The following CSMD3 variants were observed in gnomAD, a reference collection of about 807,000 sequenced individuals.
The protein encoded by CSMD3 is CUB and sushi domain-containing protein 3.
CSMD3 carries 177 observed loss-of-function variants against 435.2 expected under a neutral mutation model. That is an observed-to-expected ratio of 0.41 (90% CI 0.36 to 0.46). CSMD3 has a LOEUF of 0.46. Ranked by LOEUF, CSMD3 falls within the 20% of genes least tolerant of loss-of-function variation. CSMD3 has a pLI of 0.34. For synonymous variants in CSMD3, 1,656 were observed against 1,520.5 expected, an observed-to-expected ratio of 1.09 and a Z score of -2.07; for missense variants, 4,265 against 4,504.6, an observed-to-expected ratio of 0.95 and a Z score of 1.52.
chr8:112,990,204 C>T (rs1293116714), intron 6 of CSMD3, among the ~76,000 whole-genome samples: 1 of 151,920 alleles, frequency 6.6e-6, no homozygotes, highest in African/African-American at 2.4e-5. Context: ...GGAAGTATGT[C>T]TGGCTACCAG....
intron 27 of CSMD3, among the ~76,000 whole-genome samples, chr8:112,521,245 T>C (rs1824250050): frequency 6.6e-6 from 1 of 152,018 alleles, no homozygotes; most frequent in South Asian, 2.1e-4. Context: ...ATAGAAAATC[T>C]ATTAAATATA....
intron 1 of CSMD3, chr8:113,377,083 C>G: frequency 7.7e-7 from 1 of 1,298,822 alleles, no homozygotes; most frequent in South Asian, 1.4e-5. Context: ...TTTTCGCCAG[C>G]TGGCGCTGGA....
intron 36 of CSMD3, 125 bp downstream of exon 36, chr8:112,390,539 A>C (rs1193970516): frequency 1.3e-6 from 1 of 785,520 alleles, no homozygotes; most frequent in Non-Finnish European, 2.1e-6. Context: ...ATATCTTTCT[A>C]TTCATTTCAA....
chr8:112,967,515 C>G (rs1172336680), intron 7 of CSMD3, among the ~76,000 whole-genome samples: 1 of 151,574 alleles, frequency 6.6e-6, no homozygotes, highest in African/African-American at 2.4e-5. Flanking sequence ...GGTGTGCTTT[C>G]TCCTCTGAGA....
intron 22 of CSMD3, among the ~76,000 whole-genome samples, chr8:112,590,424 T>C (rs1831085105): frequency 1.3e-5 from 2 of 151,770 alleles, no homozygotes; most frequent in Admixed American, 1.3e-4. Context: ...AGGAACATTA[T>C]ATCTAAAAAC....
chr8:112,516,298 G>A (rs1026411178), intron 28 of CSMD3, among the ~76,000 whole-genome samples: 7 of 152,194 alleles, frequency 4.6e-5, no homozygotes, highest in Middle Eastern at 3.4e-3. Flanking sequence ...AGAAAACATA[G>A]TTTGTTCAAA....
intron 34 of CSMD3, 68 bp from the exon 35 acceptor site, chr8:112,406,795 G>T: frequency 1.1e-6 from 1 of 943,254 alleles, no homozygotes; most frequent in Non-Finnish European, 1.6e-6. Context: ...AAATGTAACT[G>T]TTTAAACACA....
chr8:112,807,507 G>C (rs921960297), intron 12 of CSMD3, among the ~76,000 whole-genome samples: 1 of 148,228 alleles, frequency 6.7e-6, no homozygotes, highest in Admixed American at 6.6e-5. Context: ...TAGGTAGGTA[G>C]GTAGGTAGGT....
At chr8:112,287,407 A>T (rs572536767) in intron 57 of CSMD3, among the ~76,000 whole-genome samples, 161 bp from the exon 58 acceptor site, 3 of 151,996 alleles carry the variant, frequency 2.0e-5, no homozygotes, top group East Asian at 3.9e-4. Flanking sequence ...TCCAGTCATT[A>T]AAAAAAAGTG....
At chr8:113,286,600 T>C (rs1407955823) in intron 2 of CSMD3, among the ~76,000 whole-genome samples, 1 of 152,038 alleles carries the variant, frequency 6.6e-6, no homozygotes, top group East Asian at 1.9e-4. Flanking sequence ...ATAAGAATGA[T>C]ACCTGTCTCA....
intron 6 of CSMD3, among the ~76,000 whole-genome samples, chr8:113,008,920 A>G (rs1290985993): frequency 1.3e-5 from 2 of 151,468 alleles, no homozygotes; most frequent in African/African-American, 2.4e-5. Flanking sequence ...GAGATGTGCT[A>G]TAAGTATAAT....
chr8:113,216,712 C>T (rs1266073916), intron 3 of CSMD3, among the ~76,000 whole-genome samples: 1 of 151,864 alleles, frequency 6.6e-6, no homozygotes, highest in Non-Finnish European at 1.5e-5. Context: ...TCAAAGCTTT[C>T]GTTGGCATAT....
intron 3 of CSMD3, among the ~76,000 whole-genome samples, chr8:113,246,835 G>A (rs1350711016): frequency 6.6e-6 from 1 of 152,132 alleles, no homozygotes; most frequent in Admixed American, 6.6e-5. Context: ...TTATCTCAGT[G>A]CTTGACTAAG....
chr8:112,816,163 A>G (rs10093423), intron 12 of CSMD3, among the ~76,000 whole-genome samples: 2,132 of 152,214 alleles, frequency 0.014, 52 homozygotes, highest in African/African-American at 0.049. Flanking sequence ...GTCTTGGAGT[A>G]GAATATTTTT....
At chr8:112,387,059 C>A (rs1393473399) in intron 36 of CSMD3, among the ~76,000 whole-genome samples, 4 of 152,124 alleles carry the variant, frequency 2.6e-5, no homozygotes. Flanking sequence ...TTTCCCTTTT[C>A]TTGATGGCTA....
At chr8:112,479,263 C>A (rs1476172913) in intron 31 of CSMD3, among the ~76,000 whole-genome samples, 1 of 152,162 alleles carries the variant, frequency 6.6e-6, no homozygotes, top group Non-Finnish European at 1.5e-5. Context: ...AAAGACATGA[C>A]TTAAAGTTGG....
At chr8:113,289,731 C>T (rs1238217956) in intron 2 of CSMD3, among the ~76,000 whole-genome samples, 1 of 151,600 alleles carries the variant, frequency 6.6e-6, no homozygotes, top group Non-Finnish European at 1.5e-5. Context: ...GTTAATTTTA[C>T]TGTATTTCTT....
intron 34 of CSMD3, among the ~76,000 whole-genome samples, chr8:112,407,464 C>CA (rs1831959127): frequency 6.6e-6 from 1 of 151,624 alleles, no homozygotes. Flanking sequence ...GACAATAGCC[C>CA]AAAAAATGAT....
At chr8:112,568,305 G>A (rs1476640624) in intron 24 of CSMD3, among the ~76,000 whole-genome samples, 2 of 152,032 alleles carry the variant, frequency 1.3e-5, no homozygotes, top group African/African-American at 4.8e-5. Flanking sequence ...TTTAGAAAAA[G>A]GAATGGGGCT....
Sources: gnomAD v4.1 joint callset for allele counts (sites outside exome capture counted in the v4.1 genomes callset) on GRCh38, gnomAD v4.1.1 for gene constraint, MANE v1.5 for transcripts, NCBI Gene and HGNC (gene_info 2026-07-23, HGNC 2026-07-21) for gene names.